IL1R1: variants seen among roughly 807,000 people sequenced by gnomAD.
The protein encoded by IL1R1 is interleukin-1 receptor type 1.
A neutral mutation model predicts 50.2 loss-of-function variants in IL1R1; 22 were observed. The ratio of observed to expected loss-of-function variants is 0.44; its 90% CI spans 0.31 to 0.63. IL1R1 has a LOEUF of 0.63. Among genes scored for constraint, IL1R1 ranks in the 20% least tolerant of loss-of-function variants. The probability of loss-of-function intolerance (pLI) is 0.07; values close to 1 mark genes in which losing one functional copy is unlikely to be tolerated. For missense variants in IL1R1, 509 were observed against 676.2 expected, an observed-to-expected ratio of 0.75 and a Z score of 2.74; for synonymous variants, 251 against 236.7, an observed-to-expected ratio of 1.06 and a Z score of -0.55.
chr2:102,128,561 T>C (rs1051235376), intron 1 of IL1R1, among the ~76,000 whole-genome samples: 4 of 152,196 alleles, frequency 2.6e-5, no homozygotes, highest in African/African-American at 7.2e-5. Flanking sequence ...ATCAAGGGAA[T>C]TGAGGCATAA....
chr2:102,136,585 C>T (rs950043013), intron 1 of IL1R1, among the ~76,000 whole-genome samples: 8 of 151,980 alleles, frequency 5.3e-5, no homozygotes, highest in African/African-American at 1.7e-4. Context: ...CCCATGTTGG[C>T]CAGGCTGGTC....
chr2:102,106,174 A>G (rs1240543284), intron 1 of IL1R1, among the ~76,000 whole-genome samples: 1 of 152,140 alleles, frequency 6.6e-6, no homozygotes, highest in African/African-American at 2.4e-5. Flanking sequence ...GCTAAGGACC[A>G]ACTGGTTTGG....
At chr2:102,079,769 G>A (rs994165618) in intron 1 of IL1R1, among the ~76,000 whole-genome samples, 20 of 152,028 alleles carry the variant, frequency 1.3e-4, no homozygotes, top group Non-Finnish European at 2.5e-4. Context: ...GAAATGCAAA[G>A]GATGGAGAAT....
chr2:102,080,176 G>A (rs1392556996), intron 1 of IL1R1, among the ~76,000 whole-genome samples: 2 of 152,038 alleles, frequency 1.3e-5, no homozygotes, highest in Non-Finnish European at 2.9e-5. Flanking sequence ...CTTGAATTGG[G>A]CAATGCTTCC....
chr2:102,100,131 G>T (rs963399), upstream of IL1R1, among the ~76,000 whole-genome samples: 93,764 of 152,126 alleles, frequency 0.62, 29,315 homozygotes, highest in African/African-American at 0.7. Flanking sequence ...GCACATCGTC[G>T]GGTTCTTTTG....
upstream of IL1R1, among the ~76,000 whole-genome samples, chr2:102,099,611 C>G (rs1559461165): frequency 6.6e-6 from 1 of 152,144 alleles, no homozygotes; most frequent in African/African-American, 2.4e-5. Context: ...ATTGTTTTCT[C>G]TGCATGCCAT....
chr2:102,071,251 G>A (rs1678704837), intron 1 of IL1R1, among the ~76,000 whole-genome samples: 1 of 152,142 alleles, frequency 6.6e-6, no homozygotes, highest in Non-Finnish European at 1.5e-5. Flanking sequence ...CTTCCCTTCT[G>A]ATTCTAATTT....
At chr2:102,109,452 C>T (rs971950616) in intron 1 of IL1R1, among the ~76,000 whole-genome samples, 1 of 151,466 alleles carries the variant, frequency 6.6e-6, no homozygotes, top group Admixed American at 6.5e-5. Flanking sequence ...AGGAGAGATC[C>T]ATCAGCCTGC....
intron 1 of IL1R1, among the ~76,000 whole-genome samples, chr2:102,137,400 C>A (rs1472806968): frequency 6.6e-6 from 1 of 152,192 alleles, no homozygotes; most frequent in Non-Finnish European, 1.5e-5. Context: ...CAGTTGTAGC[C>A]AGACAGCCAC....
intron 1 of IL1R1, among the ~76,000 whole-genome samples, chr2:102,077,742 A>G (rs944624092): frequency 6.6e-6 from 1 of 152,160 alleles, no homozygotes; most frequent in Non-Finnish European, 1.5e-5. Context: ...TATACAGAAC[A>G]CTCCACACAA....
chr2:102,090,437 A>C (rs1679617088), intron 1 of IL1R1, among the ~76,000 whole-genome samples: 1 of 152,176 alleles, frequency 6.6e-6, no homozygotes, highest in Non-Finnish European at 1.5e-5. Flanking sequence ...TTCTAAGATT[A>C]ATTATACATA....
rs1207603259 is a variant in IL1R1 at position 102,095,742 on chromosome 2, C to T, written c.-84+25209C>T. The stretch of plus-strand genomic sequence containing the variant: ...TTTTTAGGCCGGGCACGGTGGCTCA[C>T]GCCTGAAATCCCAGCACTTTGGGAG... On this transcript the variant is annotated intron_variant, in intron 1 of 11. Transcript: ENST00000409929. Among the ~76,000 whole-genome samples, 8 of 152,342 alleles carry T rather than the reference C, an allele frequency of 5.3e-5. No individual in the cohort carries two copies. In the South Asian group the frequency reaches 1.7e-3, roughly 32 times the overall value.
At chr2:102,097,796 A>T (rs1290888173) in intron 1 of IL1R1, among the ~76,000 whole-genome samples, 31 of 152,098 alleles carry the variant, frequency 2.0e-4, no homozygotes, top group Admixed American at 2.0e-3. Flanking sequence ...TAGTTTCTAC[A>T]AAGAAAATGT....
At chr2:102,168,339 G>A (rs1289614489) in intron 6 of IL1R1, among the ~76,000 whole-genome samples, 1 of 152,166 alleles carries the variant, frequency 6.6e-6, no homozygotes, top group African/African-American at 2.4e-5. Flanking sequence ...CAGGGTCCTG[G>A]TGATGTGTGT....
At chr2:102,103,490 G>T (rs376748916), upstream of IL1R1, among the ~76,000 whole-genome samples, 8 of 152,310 alleles carry the variant, frequency 5.3e-5, no homozygotes, top group Admixed American at 3.3e-4. Flanking sequence ...GCCCATCCAG[G>T]TGAGCACAAA....
intron 1 of IL1R1, among the ~76,000 whole-genome samples, chr2:102,112,461 C>T (rs1185787343): frequency 6.6e-6 from 1 of 152,002 alleles, no homozygotes; most frequent in African/African-American, 2.4e-5. Flanking sequence ...AGTAGGAAGA[C>T]TGCAAAGTCA....
At chr2:102,147,987 C>G (rs1683305422) in intron 1 of IL1R1, among the ~76,000 whole-genome samples, 1 of 152,202 alleles carries the variant, frequency 6.6e-6, no homozygotes, top group African/African-American at 2.4e-5. Context: ...CTGATAGGAG[C>G]ATTGCCAGGC....
chr2:102,134,214 G>T (rs1682208730), intron 1 of IL1R1, among the ~76,000 whole-genome samples: 1 of 152,064 alleles, frequency 6.6e-6, no homozygotes, highest in Non-Finnish European at 1.5e-5. Flanking sequence ...TGATGGCAGA[G>T]ACTATTCTGC....
intron 1 of IL1R1, among the ~76,000 whole-genome samples, chr2:102,091,941 CT>C (rs1679685828): frequency 6.6e-6 from 1 of 152,194 alleles, no homozygotes; most frequent in Non-Finnish European, 1.5e-5. Flanking sequence ...ATTCATGTTG[CT>C]GCAAATGACA....
Sources: gnomAD v4.1 joint callset for allele counts (sites outside exome capture counted in the v4.1 genomes callset) on GRCh38, gnomAD v4.1.1 for gene constraint, MANE v1.5 for transcripts, NCBI Gene and HGNC (gene_info 2026-07-23, HGNC 2026-07-21) for gene names.